Variants in FAM53B observed in about 807,000 individuals in gnomAD.
FAM53B encodes family with sequence similarity 53 member B.
In FAM53B, 12 loss-of-function variants were observed where a neutral mutation model predicts 32.7. The ratio of observed to expected loss-of-function variants is 0.37; its 90% CI spans 0.24 to 0.59. The LOEUF is 0.59. Among genes scored for constraint, FAM53B ranks in the 20% least tolerant of loss-of-function variants. The pLI is 0.72. For synonymous variants in FAM53B, 234 were observed against 228.7 expected (o/e 1.02, Z -0.21); for missense variants, 477 against 577.7 (o/e 0.83, Z 1.79).
In FAM53B at chr10:124,706,829, T is replaced by C. The variant is rs117624462; in HGVS notation, c.-116A>G. ...TGATGTCAGCAGAAACAGCTCCCCA[T>C]TGGCCACTCACCCTTGGGGTGGGGC... On this transcript the variant is annotated 5_prime_UTR_variant, in exon 2 of 5. It removes an upstream start codon present in the reference 5' UTR. Transcript: ENST00000337318. 48 of 1,559,486 alleles carry C rather than the reference T, an allele frequency of 3.1e-5. No homozygotes were observed. The East Asian group carries it at 6.3e-4, about 20-fold the overall frequency.
chr10:124,666,599 G>C (rs1411932326), intron 4 of FAM53B, among the ~76,000 whole-genome samples: 1 of 152,202 alleles, frequency 6.6e-6, no homozygotes, highest in Non-Finnish European at 1.5e-5. Context: ...ACCCCCTGAT[G>C]AGAAGCCCCT....
chr10:124,702,733 G>C (rs1949923885), intron 2 of FAM53B, among the ~76,000 whole-genome samples: 1 of 152,152 alleles, frequency 6.6e-6, no homozygotes, highest in Non-Finnish European at 1.5e-5. Context: ...TGGACCTCTG[G>C]GCATACAGTT....
intron 4 of FAM53B, among the ~76,000 whole-genome samples, chr10:124,662,171 G>A (rs1041090449): frequency 3.9e-5 from 6 of 152,218 alleles, no homozygotes; most frequent in East Asian, 3.8e-4. Flanking sequence ...GGCCACAGCT[G>A]GTCCTGTGAC....
chr10:124,629,589 G>A (rs1419875490), intron 4 of FAM53B, among the ~76,000 whole-genome samples: 2 of 152,082 alleles, frequency 1.3e-5, no homozygotes, highest in East Asian at 1.9e-4. Context: ...CTGAGTGGAC[G>A]CATTTCCTCC....
In FAM53B at chr10:124,693,137, A is replaced by G. The variant is rs151090502; in HGVS notation, c.133+3021T>C. On this transcript the variant is annotated intron_variant, in intron 3 of 4. Transcript: ENST00000337318. ...TGGAAGGGCCCAAAACCCTCTTGAA[A>G]AGTCTAGCCGGCCCCTCAGAGTATT... is the stretch of plus-strand genomic sequence containing the variant. Among the ~76,000 whole-genome samples, 57 of 152,266 alleles carry G rather than the reference A, an allele frequency of 3.7e-4. No individual in the cohort carries two copies. The East Asian group carries it at 9.5e-3, about 25-fold the overall frequency.
chr10:124,720,273 C>T (rs1028117794), intron 1 of FAM53B, among the ~76,000 whole-genome samples: 7 of 150,914 alleles, frequency 4.6e-5, no homozygotes, highest in African/African-American at 1.5e-4. Context: ...ATAATAATAC[C>T]AGCCTAGGCA....
At chr10:124,650,505 C>T (rs1207441727) in intron 4 of FAM53B, among the ~76,000 whole-genome samples, 2 of 149,312 alleles carry the variant, frequency 1.3e-5, no homozygotes, top group East Asian at 2.0e-4. Flanking sequence ...ATGTGCTAGG[C>T]GCTCTACACC....
intron 4 of FAM53B, among the ~76,000 whole-genome samples, chr10:124,660,162 C>T (rs752569954): frequency 2.0e-5 from 3 of 152,190 alleles, no homozygotes; most frequent in East Asian, 1.9e-4. Context: ...GTGCTGCCCT[C>T]GCTGTTCACG....
intron 1 of FAM53B, chr10:124,742,749 T>G (rs1950206637): frequency 6.6e-6 from 1 of 152,250 alleles, no homozygotes; most frequent in Non-Finnish European, 1.5e-5. Flanking sequence ...CTGCACCCGC[T>G]CCTGCAAGGC....
At chr10:124,692,612 G>A (rs1949840814) in intron 3 of FAM53B, among the ~76,000 whole-genome samples, 1 of 150,214 alleles carries the variant, frequency 6.7e-6, no homozygotes, top group Non-Finnish European at 1.5e-5. Flanking sequence ...CTACTCGGGA[G>A]GCTGAGGCAG....
intron 4 of FAM53B, among the ~76,000 whole-genome samples, chr10:124,632,496 TG>T (rs1461679856): frequency 3.9e-5 from 6 of 152,292 alleles, no homozygotes; most frequent in African/African-American, 1.4e-4. Context: ...CTCACAGTTT[TG>T]GGGGTGGCTT....
chr10:124,626,381 A>T (rs368311204), intron 4 of FAM53B, among the ~76,000 whole-genome samples: 34 of 133,008 alleles, frequency 2.6e-4, no homozygotes, highest in African/African-American at 1.1e-3. Context: ...CTACGGTCGA[A>T]ATTTGTGCCC....
At chr10:124,645,832 A>G (rs1949509202) in intron 4 of FAM53B, among the ~76,000 whole-genome samples, 1 of 152,126 alleles carries the variant, frequency 6.6e-6, no homozygotes, top group Non-Finnish European at 1.5e-5. Flanking sequence ...CCTGGGGCCA[A>G]TAAGGGTAAA....
At chr10:124,660,774 G>A (rs1392586913) in intron 4 of FAM53B, among the ~76,000 whole-genome samples, 1 of 152,180 alleles carries the variant, frequency 6.6e-6, no homozygotes, top group Non-Finnish European at 1.5e-5. Context: ...GAGCCAGAGA[G>A]TAAATATTTA....
At chr10:124,715,335 C>T (rs149718855) in intron 1 of FAM53B, among the ~76,000 whole-genome samples, 8 of 152,284 alleles carry the variant, frequency 5.3e-5, no homozygotes, top group Non-Finnish European at 8.8e-5. Context: ...TCCTTAACTG[C>T]ATGGATGTGC....
At position 124,623,271 on chromosome 10, in the gene FAM53B, A is replaced by G; in HGVS notation, c.1240T>C (p.Leu414=). The change falls in exon 5 of 5, where the codon TTG becomes CTG. Residue 414 remains leucine, a synonymous_variant. Transcript: ENST00000337318. ...TTCTTCTCTATCTGCTCAATGTCCA[A>G]CTCGCCGTCCAGGGAGCAGAGGCTG... ...GNSLCSLDGE[L]DIEQIEKN 1 of 1,609,032 alleles carries G rather than the reference A, an allele frequency of 6.2e-7. No homozygotes were observed. Among genetic ancestry groups the G allele is most frequent in the East Asian group, 2.2e-5 (1 of 44,832 alleles).
intron 4 of FAM53B, among the ~76,000 whole-genome samples, chr10:124,647,457 C>T (rs1949524745): frequency 6.6e-6 from 1 of 152,224 alleles, no homozygotes; most frequent in South Asian, 2.1e-4. Context: ...GAACTGGAAG[C>T]TCCCTGTAGA....
chr10:124,726,984 C>T (rs928002805), intron 1 of FAM53B, among the ~76,000 whole-genome samples: 1 of 152,148 alleles, frequency 6.6e-6, no homozygotes, highest in Non-Finnish European at 1.5e-5. Context: ...CTTGCAATAT[C>T]TATTAAAATC....
chr10:124,653,464 G>A (rs1589738879), intron 4 of FAM53B, among the ~76,000 whole-genome samples: 1 of 152,326 alleles, frequency 6.6e-6, no homozygotes, highest in African/African-American at 2.4e-5. Flanking sequence ...GGATGGCCAG[G>A]CCTCACTCTC....
Sources: gnomAD v4.1 joint callset for allele counts (sites outside exome capture counted in the v4.1 genomes callset) on GRCh38, gnomAD v4.1.1 for gene constraint, MANE v1.5 for transcripts, NCBI Gene and HGNC (gene_info 2026-07-23, HGNC 2026-07-21) for gene names.